Variants in SHISA9 observed in about 807,000 individuals in gnomAD.
The protein encoded by SHISA9 is protein shisa-9.
A neutral mutation model predicts 38.0 loss-of-function variants in SHISA9; 13 were observed. The ratio of observed to expected loss-of-function variants is 0.34; its 90% confidence interval spans 0.22 to 0.54. The LOEUF is 0.54. SHISA9 is among the 20% of genes least tolerant of loss of function. SHISA9 has a pLI of 0.91. For synonymous variants in SHISA9, 275 were observed against 242.0 expected (o/e 1.14, Z -1.27); for missense variants, 538 against 575.8 (o/e 0.93, Z 0.67).
the SHISA9 span, among the ~76,000 whole-genome samples, chr16:13,497,724 C>A: frequency 6.7e-6 from 1 of 148,340 alleles, no homozygotes; most frequent in Non-Finnish European, 1.5e-5. Context: ...AAGAAGAGGA[C>A]AAATTAAAAT....
At chr16:13,298,634 G>T in the SHISA9 span, among the ~76,000 whole-genome samples, 1 of 152,198 alleles carries the variant, frequency 6.6e-6, no homozygotes. Context: ...TCTAGGGCTT[G>T]AGCTTCTTCA....
In SHISA9 at chr16:13,236,707, T is replaced by G. The variant is rs1284409510; in HGVS notation, c.*1298T>G. The G allele has an allele frequency of 6.6e-6, 1 of 152,204 alleles. No homozygotes were observed. Among genetic ancestry groups the G allele is most frequent in the Admixed American group, 6.5e-5 (1 of 15,274 alleles). The allele number at this position is 152,204 out of a possible 1,614,324, so 9.4% of individuals were successfully genotyped here. A position where few individuals can be genotyped will look rare whatever the true frequency, so the allele number is the denominator to read the frequency against. On this transcript the variant is annotated 3_prime_UTR_variant, in exon 5 of 5. Transcript: ENST00000558583. ...GGTGAGCCCACCCCATAACACCCTC[T>G]GAGGGGCTGCTACAATGTCAGGGGT...
At chr16:13,509,899 C>T in the SHISA9 span, among the ~76,000 whole-genome samples, 10 of 152,168 alleles carry the variant, frequency 6.6e-5, no homozygotes, top group Admixed American at 5.2e-4. Flanking sequence ...CTCTCTAAGC[C>T]TCATTTTCCT....
chr16:13,423,150 C>T, the SHISA9 span, among the ~76,000 whole-genome samples: 1 of 152,160 alleles, frequency 6.6e-6, no homozygotes, highest in African/African-American at 2.4e-5. Context: ...ATCTGGGCAT[C>T]TTCTCTGAAC....
At chr16:13,518,975 C>T in the SHISA9 span, among the ~76,000 whole-genome samples, 2 of 152,230 alleles carry the variant, frequency 1.3e-5, no homozygotes, top group African/African-American at 4.8e-5. Flanking sequence ...GAGAGCAGAG[C>T]ACTCATGGGC....
At chr16:12,997,221 C>G (rs1171102038) in intron 2 of SHISA9, among the ~76,000 whole-genome samples, 1 of 151,914 alleles carries the variant, frequency 6.6e-6, no homozygotes, top group East Asian at 1.9e-4. Flanking sequence ...TATCTGGAGT[C>G]ACAACATATA....
chr16:13,145,990 C>A (rs114684637), intron 2 of SHISA9, among the ~76,000 whole-genome samples: 6,100 of 152,302 alleles, frequency 0.04, 224 homozygotes, highest in African/African-American at 0.097. Flanking sequence ...GAGTTTGAGA[C>A]CAACCTGGCC....
At chr16:12,994,624 A>G (rs1454959765) in intron 2 of SHISA9, among the ~76,000 whole-genome samples, 1 of 152,186 alleles carries the variant, frequency 6.6e-6, no homozygotes, top group Middle Eastern at 3.2e-3. Flanking sequence ...ACATTCTGAG[A>G]ATAAGCCCAG....
At chr16:13,070,122 ACG>A (rs1491570816) in intron 2 of SHISA9, among the ~76,000 whole-genome samples, 1 of 50,174 alleles carries the variant, frequency 2.0e-5, no homozygotes, top group Non-Finnish European at 4.1e-5. Context: ...CCTTTAAAGT[ACG>A]TGTGTGTGTG....
chr16:13,123,696 T>C (rs1447644181), intron 2 of SHISA9, among the ~76,000 whole-genome samples: 2 of 152,326 alleles, frequency 1.3e-5, no homozygotes, highest in Non-Finnish European at 2.9e-5. Flanking sequence ...ACTACCTCTA[T>C]GGGAAGCAGC....
chr16:12,910,361 C>A, intron 1 of SHISA9: 2 of 528,460 alleles, frequency 3.8e-6, no homozygotes, highest in Non-Finnish European at 4.8e-6. Context: ...CTAACTTATG[C>A]CCAACACTGT....
At chr16:13,056,625 C>T (rs920508860) in intron 2 of SHISA9, among the ~76,000 whole-genome samples, 3 of 152,226 alleles carry the variant, frequency 2.0e-5, no homozygotes, top group African/African-American at 7.2e-5. Flanking sequence ...TCAGGGCCTG[C>T]TCCTTAGGAG....
At chr16:13,432,718 A>G in the SHISA9 span, among the ~76,000 whole-genome samples, 8 of 152,190 alleles carry the variant, frequency 5.3e-5, no homozygotes, top group Non-Finnish European at 1.5e-5. Context: ...AGATGTTAAC[A>G]GAGTAGTATG....
chr16:12,911,554 G>T (rs1194931328), intron 1 of SHISA9: 2 of 198,414 alleles, frequency 1.0e-5, no homozygotes, highest in Admixed American at 6.5e-5. Context: ...TGCTAATTGT[G>T]ATGACTTCAT....
intron 2 of SHISA9, among the ~76,000 whole-genome samples, chr16:13,115,226 T>C (rs55780441): frequency 0.05 from 7,649 of 152,148 alleles, 286 homozygotes; most frequent in East Asian, 0.17. Flanking sequence ...GACCCTAACC[T>C]ATCAGCACTA....
At chr16:13,438,981 C>A in the SHISA9 span, among the ~76,000 whole-genome samples, 1 of 152,198 alleles carries the variant, frequency 6.6e-6, no homozygotes, top group South Asian at 2.1e-4. Context: ...CGGGAGAGAG[C>A]AAACATTTAA....
the SHISA9 span, among the ~76,000 whole-genome samples, chr16:13,353,427 A>C: frequency 6.6e-6 from 1 of 152,222 alleles, no homozygotes; most frequent in Non-Finnish European, 1.5e-5. Flanking sequence ...TCAAGAGTTA[A>C]GCGTGGCAGT....
intron 2 of SHISA9, among the ~76,000 whole-genome samples, chr16:13,061,570 T>C (rs142903692): frequency 2.6e-5 from 4 of 152,254 alleles, no homozygotes; most frequent in Non-Finnish European, 5.9e-5. Context: ...GCCCAATACT[T>C]ACATTAACTC....
chr16:13,374,975 C>T, the SHISA9 span, among the ~76,000 whole-genome samples: 109 of 152,066 alleles, frequency 7.2e-4, no homozygotes, highest in Middle Eastern at 3.2e-3. Flanking sequence ...TTTTGAGAAG[C>T]GTCTGTTCAT....
Sources: gnomAD v4.1 joint callset for allele counts (sites outside exome capture counted in the v4.1 genomes callset) on GRCh38, gnomAD v4.1.1 for gene constraint, MANE v1.5 for transcripts, NCBI Gene and HGNC (gene_info 2026-07-23, HGNC 2026-07-21) for gene names.